Variants in CACNA2D3 observed in about 807,000 individuals in gnomAD.
CACNA2D3 encodes calcium voltage-gated channel auxiliary subunit alpha2delta 3.
CACNA2D3 carries 60 observed loss-of-function variants against 160.6 expected under a neutral mutation model. The ratio of observed to expected loss-of-function variants is 0.37; its 90% CI spans 0.30 to 0.46. CACNA2D3 has a LOEUF of 0.46. Among genes scored for constraint, CACNA2D3 ranks in the 20% least tolerant of loss-of-function variants. CACNA2D3 has a pLI of 1.00. For synonymous variants in CACNA2D3, 558 were observed against 492.9 expected, an observed-to-expected ratio of 1.13 and a Z score of -1.75; for missense variants, 1,205 against 1,365.0, an observed-to-expected ratio of 0.88 and a Z score of 1.85.
At chr3:54,607,517 C>T (rs967483255) in intron 9 of CACNA2D3, among the ~76,000 whole-genome samples, 2 of 152,110 alleles carry the variant, frequency 1.3e-5, no homozygotes, top group African/African-American at 4.8e-5. Flanking sequence ...GAAATTCCCA[C>T]AGTGCCGCTA....
chr3:54,810,450 A>G (rs1279128685), intron 13 of CACNA2D3, among the ~76,000 whole-genome samples: 3 of 152,148 alleles, frequency 2.0e-5, no homozygotes, highest in African/African-American at 7.2e-5. Flanking sequence ...TAGAGTGCGG[A>G]TCTTTATCCA....
intron 11 of CACNA2D3, among the ~76,000 whole-genome samples, chr3:54,735,785 T>C (rs868539484): frequency 6.6e-6 from 1 of 151,418 alleles, no homozygotes; most frequent in South Asian, 2.1e-4. Context: ...TTTTATTAAA[T>C]GGAATTGAGT....
chr3:54,656,742 G>A (rs1375919209), intron 11 of CACNA2D3, among the ~76,000 whole-genome samples: 2 of 152,242 alleles, frequency 1.3e-5, no homozygotes, highest in Admixed American at 6.5e-5. Flanking sequence ...AGATGGATTT[G>A]TTTTACCAGA....
intron 2 of CACNA2D3, among the ~76,000 whole-genome samples, chr3:54,265,093 T>A (rs1333178599): frequency 6.6e-6 from 1 of 152,218 alleles, no homozygotes; most frequent in Non-Finnish European, 1.5e-5. Context: ...CCTTTGGGTA[T>A]ATACCCAGCA....
chr3:54,894,729 A>G (rs1700146839), intron 25 of CACNA2D3: 2 of 461,792 alleles, frequency 4.3e-6, no homozygotes, highest in Admixed American at 4.7e-5. Flanking sequence ...CACACCGTCC[A>G]GGTCAGGTTT....
At chr3:54,484,527 T>G (rs73844055) in intron 4 of CACNA2D3, among the ~76,000 whole-genome samples, 3,480 of 152,282 alleles carry the variant, frequency 0.023, 131 homozygotes, top group African/African-American at 0.079. Flanking sequence ...TGCTGTGGCC[T>G]TGGTAGTCTC....
intron 2 of CACNA2D3, among the ~76,000 whole-genome samples, chr3:54,146,107 G>A (rs762075602): frequency 7.9e-5 from 12 of 152,062 alleles, no homozygotes; most frequent in African/African-American, 2.4e-4. Context: ...TTCTCTGTTC[G>A]GGATGGGGCA....
chr3:54,631,609 A>C (rs1042432202), intron 10 of CACNA2D3, among the ~76,000 whole-genome samples: 2 of 152,250 alleles, frequency 1.3e-5, no homozygotes, highest in Non-Finnish European at 2.9e-5. Flanking sequence ...AGAGGTTACT[A>C]TAATTGAATG....
intron 2 of CACNA2D3, among the ~76,000 whole-genome samples, chr3:54,146,601 C>T (rs7621104): frequency 6.6e-6 from 1 of 152,000 alleles, no homozygotes; most frequent in Admixed American, 6.6e-5. Context: ...GGAAGGGGGG[C>T]GTGGCCTAGT....
chr3:54,156,950 A>G (rs1275849348), intron 2 of CACNA2D3, among the ~76,000 whole-genome samples: 2 of 152,218 alleles, frequency 1.3e-5, no homozygotes, highest in Admixed American at 6.5e-5. Flanking sequence ...GTGACTTGCT[A>G]TACAGTAATA....
intron 3 of CACNA2D3, among the ~76,000 whole-genome samples, chr3:54,349,154 G>A (rs189507222): frequency 8.9e-4 from 136 of 152,266 alleles, no homozygotes; most frequent in Non-Finnish European, 1.7e-3. Flanking sequence ...TGGGGACGGG[G>A]TGCTGAGTTT....
intron 2 of CACNA2D3, among the ~76,000 whole-genome samples, chr3:54,225,099 C>T (rs201160107): frequency 6.6e-6 from 1 of 151,894 alleles, no homozygotes; most frequent in Non-Finnish European, 1.5e-5. Context: ...GCTATCCCTC[C>T]CCACTCCACC....
At chr3:54,216,240 C>T (rs974199753) in intron 2 of CACNA2D3, among the ~76,000 whole-genome samples, 3 of 152,154 alleles carry the variant, frequency 2.0e-5, no homozygotes, top group Admixed American at 2.0e-4. Context: ...TAAGGAAGCA[C>T]AGGCTTTGAG....
chr3:54,749,684 G>A (rs900915487), intron 11 of CACNA2D3, among the ~76,000 whole-genome samples: 2 of 152,184 alleles, frequency 1.3e-5, no homozygotes, highest in Non-Finnish European at 2.9e-5. Context: ...GATGTAGGAC[G>A]TGAACCCAGC....
At chr3:54,818,873 CTT>C (rs1349601040) in intron 14 of CACNA2D3, among the ~76,000 whole-genome samples, 3 of 152,186 alleles carry the variant, frequency 2.0e-5, no homozygotes, top group Non-Finnish European at 2.9e-5. Context: ...TTTCAGAACA[CTT>C]TGGGGGTAGT....
At chr3:54,649,301 C>T (rs527321391) in intron 11 of CACNA2D3, among the ~76,000 whole-genome samples, 169 of 152,288 alleles carry the variant, frequency 1.1e-3, no homozygotes, top group African/African-American at 3.7e-3. Context: ...AAATGCTAGA[C>T]TTGACTGCCC....
Position 54,842,597 on chromosome 3 carries a change from T to C in CACNA2D3, c.1552-3796T>C, listed in dbSNP as rs76159293. On this transcript the variant is annotated intron_variant, in intron 16 of 37. Coordinates refer to ENST00000474759, the MANE Select transcript of CACNA2D3 (RefSeq NM_018398.3). Reference sequence around the variant, plus strand: ...TTTCTTTTCTTTTCTCTTTTTCTTTTTTTTCTTTTCTTTTTTTTTTTGAGA... The same window carrying C: ...TTTCTTTTCTTTTCTCTTTTTCTTTCTTTTCTTTTCTTTTTTTTTTTGAGA... Among the ~76,000 whole-genome samples the C allele has an allele frequency of 4.7e-4, 64 of 135,886 alleles. 1 individual carries two copies. In the East Asian group the frequency reaches 0.011, roughly 23 times the overall value. 89.1% of individuals were successfully genotyped at this position (135,886 alleles called of 152,430 possible).
intron 25 of CACNA2D3, among the ~76,000 whole-genome samples, chr3:54,895,703 C>T (rs1240707118): frequency 1.3e-5 from 2 of 152,190 alleles, no homozygotes; most frequent in Non-Finnish European, 1.5e-5. Context: ...TGATTGGTCT[C>T]CCTTCCAGAA....
At chr3:54,740,211 C>T (rs370469070) in intron 11 of CACNA2D3, among the ~76,000 whole-genome samples, 3 of 152,006 alleles carry the variant, frequency 2.0e-5, no homozygotes, top group Non-Finnish European at 2.9e-5. Flanking sequence ...AAAGAGGGAA[C>T]CAGGACAGCC....
Sources: allele counts gnomAD v4.1 joint callset (sites outside exome capture counted in the v4.1 genomes callset), GRCh38; gene constraint gnomAD v4.1.1; transcripts MANE v1.5; gene names NCBI Gene and HGNC (gene_info 2026-07-23, HGNC 2026-07-21).